DENND5A: variants seen among roughly 807,000 people sequenced by gnomAD.
DENND5A encodes the protein DENN domain-containing protein 5A.
In DENND5A, 64 loss-of-function variants were observed where a neutral mutation model predicts 140.3. The ratio of observed to expected loss-of-function variants is 0.46; its 90% CI spans 0.37 to 0.56. The LOEUF is 0.56. DENND5A is among the 20% of genes least tolerant of loss of function. The probability of loss-of-function intolerance (pLI) is 0.00; values close to 1 mark genes in which losing one functional copy is unlikely to be tolerated. For synonymous variants in DENND5A, 605 were observed against 607.7 expected (o/e 1.00, Z 0.07); for missense variants, 1,292 against 1,593.8 (o/e 0.81, Z 3.22).
chr11:9,211,970 AC>A (rs894918158), intron 1 of DENND5A, among the ~76,000 whole-genome samples: 3 of 151,920 alleles, frequency 2.0e-5, no homozygotes, highest in African/African-American at 7.3e-5. Flanking sequence ...CAGAGAACAG[AC>A]ATTACAATGC....
intron 1 of DENND5A, among the ~76,000 whole-genome samples, chr11:9,252,081 C>T (rs1019412573): frequency 5.3e-5 from 8 of 150,496 alleles, no homozygotes; most frequent in Non-Finnish European, 8.9e-5. Flanking sequence ...GGGCGGATCA[C>T]GAGGTCCAGA....
At chr11:9,169,772 C>A in intron 10 of DENND5A, 84 bp downstream of exon 10, 2 of 897,674 alleles carry the variant, frequency 2.2e-6, no homozygotes, top group South Asian at 1.4e-5. Flanking sequence ...ACGTTTGAAT[C>A]AGACCAGAGA....
At chr11:9,173,715 G>A (rs1848449918) in intron 8 of DENND5A, among the ~76,000 whole-genome samples, 1 of 152,146 alleles carries the variant, frequency 6.6e-6, no homozygotes. Context: ...AGTAGACTGT[G>A]ATAAGTTAAA....
chr11:9,152,705 A>G (rs1308127264), intron 12 of DENND5A, among the ~76,000 whole-genome samples: 1 of 152,122 alleles, frequency 6.6e-6, no homozygotes, highest in African/African-American at 2.4e-5. Flanking sequence ...GGACCAGTGG[A>G]TAAGAAAGAA....
At chr11:9,248,314 T>C (rs1313036681) in intron 1 of DENND5A, among the ~76,000 whole-genome samples, 1 of 152,032 alleles carries the variant, frequency 6.6e-6, no homozygotes, top group Admixed American at 6.6e-5. Context: ...AGAGTTTCTT[T>C]TGTCAGTCTT....
chr11:9,150,734 G>A lies in DENND5A; in HGVS notation c.2552C>T (p.Ser851Phe), dbSNP rs761902753. ...GGGAGGCATGAGTGAGCTGGCATCA[G>A]ACTTCCTACGTTCTGAATCAAGAAG... ...GILLDSERRK[S>F]DASSLMPPLR... is the part of the protein sequence containing the mutation. Residue 851 changes from serine (S) to phenylalanine (F), a missense_variant, in exon 14 of 23, where the codon TCT (serine) becomes TTT (phenylalanine). This residue lies in a region of DENND5A where 498 missense variants were observed against 689.7 expected (regional missense o/e 0.72). Transcript: ENST00000328194. 1.9e-5 allele frequency: 31 copies of A among 1,613,424 alleles called. No individual in the cohort carries two copies. Among genetic ancestry groups the A allele is most frequent in the Non-Finnish European group, 2.5e-5 (29 of 1,179,558 alleles).
rs1236437322 is a variant in DENND5A at position 9,150,663 on chromosome 11, T to C, written c.2606+17A>G. ...AACAGGATTTTAGTGGCTTATTACATGTGAGCCCATACTGACCTCATATCC... is the reference window on the plus strand; with the variant it reads ...AACAGGATTTTAGTGGCTTATTACACGTGAGCCCATACTGACCTCATATCC... On this transcript the variant is annotated intron_variant, in intron 14 of 22. Coordinates refer to ENST00000328194, the MANE Select transcript of DENND5A (RefSeq NM_015213.4). The C allele has an allele frequency of 5.7e-6, 9 of 1,588,266 alleles. No individual in the cohort carries two copies. The highest frequency in any genetic ancestry group is 1.7e-4 in the Middle Eastern group (1 of 6,016).
At chr11:9,187,233 G>A (rs772065237) in intron 5 of DENND5A, among the ~76,000 whole-genome samples, 6 of 152,190 alleles carry the variant, frequency 3.9e-5, no homozygotes, top group Admixed American at 3.3e-4. Context: ...GCACACAGAA[G>A]CACTTACAAA....
chr11:9,173,791 T>C (rs974751942), intron 8 of DENND5A, among the ~76,000 whole-genome samples: 3 of 151,946 alleles, frequency 2.0e-5, no homozygotes, highest in East Asian at 1.9e-4. Context: ...ACCAACAAAG[T>C]AGATAAAATG....
intron 5 of DENND5A, among the ~76,000 whole-genome samples, chr11:9,182,731 T>C (rs987046793): frequency 1.3e-5 from 2 of 152,044 alleles, no homozygotes; most frequent in Non-Finnish European, 2.9e-5. Context: ...AAGTAGAGAA[T>C]AGAAGAGTGG....
chr11:9,254,476 C>T (rs1851862600), intron 1 of DENND5A, among the ~76,000 whole-genome samples: 1 of 152,162 alleles, frequency 6.6e-6, no homozygotes, highest in Admixed American at 6.5e-5. Context: ...AAACACATAA[C>T]CTAACTTAAG....
chr11:9,222,672 G>A (rs780186927), intron 1 of DENND5A, among the ~76,000 whole-genome samples: 1 of 152,144 alleles, frequency 6.6e-6, no homozygotes, highest in Non-Finnish European at 1.5e-5. Flanking sequence ...AACCAGATAC[G>A]ATTTTCAAAA....
At chr11:9,227,801 A>C (rs1012849802) in intron 1 of DENND5A, among the ~76,000 whole-genome samples, 44 of 151,936 alleles carry the variant, frequency 2.9e-4, no homozygotes, top group African/African-American at 9.2e-4. Flanking sequence ...CAAAAATAAA[A>C]AATTTAAATT....
intron 1 of DENND5A, among the ~76,000 whole-genome samples, chr11:9,238,486 G>A (rs950346233): frequency 2.7e-5 from 4 of 150,636 alleles, no homozygotes; most frequent in Non-Finnish European, 4.4e-5. Flanking sequence ...GCGCCATCTC[G>A]GCTCACTGCA....
intron 12 of DENND5A, among the ~76,000 whole-genome samples, chr11:9,154,808 T>C (rs1347328991): frequency 6.6e-6 from 1 of 151,762 alleles, no homozygotes; most frequent in African/African-American, 2.4e-5. Context: ...TTGTTTCCTG[T>C]TGGGAGCCAA....
At chr11:9,178,500 T>TA (rs34618516) in intron 7 of DENND5A, 134 bp from the exon 8 acceptor site, 65,713 of 498,100 alleles carry the variant, frequency 0.13, 70 homozygotes, top group South Asian at 0.18. Context: ...ATCTCTACAT[T>TA]AAAAAAAAAA....
intron 11 of DENND5A, among the ~76,000 whole-genome samples, chr11:9,164,194 A>ATTTTTTTTTTTTTTTTTT (rs779522112): frequency 2.5e-5 from 2 of 79,066 alleles, no homozygotes; most frequent in African/African-American, 9.7e-5. Flanking sequence ...ACCACGCCTA[A>ATTTTTTTTTTTTTTTTTT]TTTTTTTTTT....
chr11:9,208,116 TACCTGTTTACTGAGTAATCAA>T (rs1849754212), intron 1 of DENND5A, among the ~76,000 whole-genome samples: 4 of 152,220 alleles, frequency 2.6e-5, no homozygotes, highest in African/African-American at 9.6e-5. Flanking sequence ...GTGAAATCTA[TACCTGTTTACTGAGTAATCAA>T]GGGACTTAGA....
At chr11:9,182,833 C>T (rs528746105) in intron 5 of DENND5A, among the ~76,000 whole-genome samples, 27 of 152,172 alleles carry the variant, frequency 1.8e-4, no homozygotes, top group African/African-American at 6.0e-4. Flanking sequence ...GGATTGCAGT[C>T]TTCTATAGCA....
Sources: gnomAD v4.1 joint callset for allele counts (sites outside exome capture counted in the v4.1 genomes callset) on GRCh38, gnomAD v4.1.1 for gene constraint, gnomAD v4.1.1 regional missense constraint, MANE v1.5 for transcripts, NCBI Gene and HGNC (gene_info 2026-07-23, HGNC 2026-07-21) for gene names.